Variants in RAB21 observed in about 807,000 individuals in gnomAD.
RAB21 encodes ras-related protein Rab-21.
In RAB21, 13 loss-of-function variants were observed where a neutral mutation model predicts 33.1. The ratio of observed to expected loss-of-function variants is 0.39; its 90% CI spans 0.26 to 0.62. The LOEUF is 0.62. RAB21 is among the 20% of genes least tolerant of loss of function. RAB21 has a pLI of 0.48. For missense variants in RAB21, 234 were observed against 279.1 expected (o/e 0.84, Z 1.15); for synonymous variants, 91 against 103.7 (o/e 0.88, Z 0.74).
chr12:71,782,433 TTAAA>T, intron 5 of RAB21, 133 bp from the exon 6 acceptor site: 1 of 574,320 alleles, frequency 1.7e-6, no homozygotes, highest in Non-Finnish European at 3.0e-6. Flanking sequence ...TATAGAGAAT[TTAAA>T]TAGCTATATA....
At position 71,787,145 on chromosome 12, in the gene RAB21, C is replaced by A. The variant is rs1883306285; in HGVS notation, c.*1472C>A. On this transcript the variant is annotated 3_prime_UTR_variant, in exon 7 of 7. Coordinates refer to ENST00000261263, the MANE Select transcript of RAB21 (RefSeq NM_014999.4). ...TTCTGTTTCATTTTACAAGAACTAT[C>A]CTGAGTTTCTGTGGATGGAAACATT... 6.6e-6 allele frequency: 1 copy of A among 152,078 alleles called. No homozygotes were observed. Among genetic ancestry groups the A allele is most frequent in the Non-Finnish European group, 1.5e-5 (1 of 68,010 alleles). The allele number at this position is 152,078 out of a possible 1,614,324, so 9.4% of individuals were successfully genotyped here. A position where few individuals can be genotyped will look rare whatever the true frequency, so the allele number is the denominator to read the frequency against.
rs1352705721 is a variant in RAB21 at position 71,799,546 on chromosome 12, G to A, written c.*13873G>A. The stretch of plus-strand genomic sequence containing the variant: ...AGTTTGTACAACGTTTTTCAATGCA[G>A]TATTGTTTGTAAATTGACACCAGTA... On this transcript the variant is annotated 3_prime_UTR_variant, in exon 7 of 7. Coordinates refer to ENST00000261263, the MANE Select transcript of RAB21 (RefSeq NM_014999.4). 1 of 152,148 alleles carries A rather than the reference G, an allele frequency of 6.6e-6. No individual in the cohort carries two copies. The highest frequency in any genetic ancestry group is 2.4e-5 in the African/African-American group (1 of 41,426). 9.4% of individuals were successfully genotyped at this position (152,148 alleles called of 1,614,324 possible). A position where few individuals can be genotyped will look rare whatever the true frequency, so the allele number is the denominator to read the frequency against.
At chr12:71,757,235 G>A (rs1424360639) in intron 1 of RAB21, among the ~76,000 whole-genome samples, 2 of 152,092 alleles carry the variant, frequency 1.3e-5, no homozygotes, top group Admixed American at 6.5e-5. Context: ...AACCTCTCAA[G>A]TAGCTGGGAT....
intron 1 of RAB21, among the ~76,000 whole-genome samples, chr12:71,767,318 G>T (rs1396590793): frequency 6.6e-6 from 1 of 152,072 alleles, no homozygotes; most frequent in Non-Finnish European, 1.5e-5. Flanking sequence ...TGGTAGAAAA[G>T]AAATGAGGCA....
In RAB21 at chr12:71,785,515, T is replaced by C. The variant is rs778279168; in HGVS notation, c.536-16T>C. The C allele has an allele frequency of 6.2e-7, 1 of 1,612,968 alleles. No individual in the cohort carries two copies. The highest frequency in any genetic ancestry group is 8.5e-7 in the Non-Finnish European group (1 of 1,179,286). ...ATATTGTGGTCCTAATAATGTTTGC[T>C]TTCTCTCTGTCTTAGGGATGATAGA... On this transcript the variant is annotated splice_polypyrimidine_tract_variant and intron_variant, in intron 6 of 6. Transcript: ENST00000261263.
rs1883344339 is a variant in RAB21 at position 71,789,359 on chromosome 12, A to G, written c.*3686A>G. The G allele has an allele frequency of 6.6e-6, 1 of 152,082 alleles. No homozygotes were observed. The highest frequency in any genetic ancestry group is 2.4e-5 in the African/African-American group (1 of 41,432). 9.4% of individuals were successfully genotyped at this position (152,082 alleles called of 1,614,324 possible). On this transcript the variant is annotated 3_prime_UTR_variant, in exon 7 of 7. Transcript: ENST00000261263. ...ATTATAAGTGCTACCAGGATTCTAGATAGTTGATCTTACATATTCAGATAG... is the reference window on the plus strand; with the variant it reads ...ATTATAAGTGCTACCAGGATTCTAGGTAGTTGATCTTACATATTCAGATAG...
intron 1 of RAB21, among the ~76,000 whole-genome samples, chr12:71,768,966 G>A (rs190569670): frequency 1.2e-3 from 181 of 152,210 alleles, no homozygotes; most frequent in Non-Finnish European, 2.3e-3. Context: ...CATGTCTGGT[G>A]TCTTAGAACA....
chr12:71,771,657 G>T (rs968548197), intron 3 of RAB21, among the ~76,000 whole-genome samples: 4 of 152,260 alleles, frequency 2.6e-5, no homozygotes, highest in African/African-American at 9.6e-5. Flanking sequence ...TGCATGAAAA[G>T]ACATAGTTTA....
rs564109267 is a variant in RAB21, at chr12:71,799,466, G to A, written c.*13793G>A. On this transcript the variant is annotated 3_prime_UTR_variant, in exon 7 of 7. Transcript: ENST00000261263. ...CAAAATTGTCTTTTCTTTTGACCTA[G>A]CAGTTTCACTTCTTGGAATATATCC... The A allele has an allele frequency of 6.6e-6, 1 of 152,318 alleles. No homozygotes were observed. The highest frequency in any genetic ancestry group is 1.9e-4 in the East Asian group (1 of 5,194). 9.4% of individuals were successfully genotyped at this position (152,318 alleles called of 1,614,324 possible).
chr12:71,765,176 G>T (rs897960335), intron 1 of RAB21, among the ~76,000 whole-genome samples: 1 of 152,140 alleles, frequency 6.6e-6, no homozygotes, highest in Non-Finnish European at 1.5e-5. Flanking sequence ...GTATGTCATT[G>T]TGATTTTAAT....
intron 1 of RAB21, among the ~76,000 whole-genome samples, chr12:71,763,448 T>A (rs1248655882): frequency 6.6e-6 from 1 of 152,206 alleles, no homozygotes; most frequent in Admixed American, 6.5e-5. Context: ...TTTAAGTTTT[T>A]AAATTTTTAA....
Position 71,796,306 on chromosome 12 carries a change from T to C in RAB21, c.*10633T>C, listed in dbSNP as rs907996042. 2.2e-5 allele frequency: 3 copies of C among 138,044 alleles called. No homozygotes were observed. The highest frequency in any genetic ancestry group is 4.5e-5 in the Non-Finnish European group (3 of 66,054). The allele number at this position is 138,044 out of a possible 1,614,324, so 8.6% of individuals were successfully genotyped here. ...ACTCTACAAATTTTATCCATTTTGC[T>C]GGGCAGTTTTAAGAGCTACTTTTTG... On this transcript the variant is annotated 3_prime_UTR_variant, in exon 7 of 7. Coordinates refer to ENST00000261263, the MANE Select transcript of RAB21 (RefSeq NM_014999.4).
chr12:71,763,127 A>G (rs1312569184), intron 1 of RAB21, among the ~76,000 whole-genome samples: 3 of 148,052 alleles, frequency 2.0e-5, no homozygotes, highest in Admixed American at 6.8e-5. Flanking sequence ...ACACACACAC[A>G]CAATCTTACT....
intron 4 of RAB21, among the ~76,000 whole-genome samples, chr12:71,781,780 A>C (rs190648676): frequency 2.6e-5 from 4 of 152,250 alleles, no homozygotes; most frequent in Admixed American, 1.3e-4. Context: ...GTCTCTTTGG[A>C]AAAGTTGTTT....
rs1319843303 is a variant in RAB21 at position 71,797,890 on chromosome 12, C to G, written c.*12217C>G. 3.3e-5 allele frequency: 5 copies of G among 151,928 alleles called. No homozygotes were observed. The highest frequency in any genetic ancestry group is 1.2e-4 in the African/African-American group (5 of 41,356). The allele number at this position is 151,928 out of a possible 1,614,324, so 9.4% of individuals were successfully genotyped here. Reference sequence around the variant, plus strand: ...ACTTGGGTAGCTATAGAGAACAAAGCTGGATTCATACCTCATAAACCAAAA... The same window carrying G: ...ACTTGGGTAGCTATAGAGAACAAAGGTGGATTCATACCTCATAAACCAAAA... On this transcript the variant is annotated 3_prime_UTR_variant, in exon 7 of 7. Coordinates refer to ENST00000261263, the MANE Select transcript of RAB21 (RefSeq NM_014999.4).
Position 71,798,496 on chromosome 12 carries a change from T to C in RAB21, c.*12823T>C, listed in dbSNP as rs1009836413. The C allele has an allele frequency of 2.0e-5, 3 of 152,082 alleles. No homozygotes were observed. The highest frequency in any genetic ancestry group is 7.2e-5 in the African/African-American group (3 of 41,410). The allele number at this position is 152,082 out of a possible 1,614,324, so 9.4% of individuals were successfully genotyped here. A position where few individuals can be genotyped will look rare whatever the true frequency, so the allele number is the denominator to read the frequency against. On this transcript the variant is annotated 3_prime_UTR_variant, in exon 7 of 7. Coordinates refer to ENST00000261263, the MANE Select transcript of RAB21 (RefSeq NM_014999.4). ...TTGGAAAAAATATTTTCAAATCATA[T>C]CATGCATTGCTTAATTTATAAAGAA...
intron 1 of RAB21, among the ~76,000 whole-genome samples, chr12:71,759,163 G>A (rs1882833754): frequency 6.6e-6 from 1 of 152,200 alleles, no homozygotes; most frequent in Non-Finnish European, 1.5e-5. Flanking sequence ...TGCTCCAATA[G>A]TTAAGCCTGT....
intron 6 of RAB21, among the ~76,000 whole-genome samples, chr12:71,784,883 G>A (rs1046804327): frequency 2.0e-5 from 3 of 152,040 alleles, no homozygotes; most frequent in African/African-American, 7.3e-5. Context: ...CTTGAGCCCA[G>A]GAGTTTGAGA....
rs1382978739 is a variant in RAB21, at chr12:71,798,900, A to T, written c.*13227A>T. 1 of 152,164 alleles carries T rather than the reference A, an allele frequency of 6.6e-6. No individual in the cohort carries two copies. The highest frequency in any genetic ancestry group is 1.5e-5 in the Non-Finnish European group (1 of 68,024). 9.4% of individuals were successfully genotyped at this position (152,164 alleles called of 1,614,324 possible). A position where few individuals can be genotyped will look rare whatever the true frequency, so the allele number is the denominator to read the frequency against. On this transcript the variant is annotated 3_prime_UTR_variant, in exon 7 of 7. Coordinates refer to ENST00000261263, the MANE Select transcript of RAB21 (RefSeq NM_014999.4). ...CTGTTACCCAGAACTTTTTATGCAG[A>T]TGGGGGGGCAGTCTGAATGCTAATT...
Sources: allele counts gnomAD v4.1 joint callset (sites outside exome capture counted in the v4.1 genomes callset), GRCh38; gene constraint gnomAD v4.1.1; transcripts MANE v1.5; gene names NCBI Gene and HGNC (gene_info 2026-07-23, HGNC 2026-07-21).